The following LSAMP variants were observed in gnomAD, a reference collection of about 807,000 sequenced individuals.
LSAMP encodes limbic system-associated membrane protein.
Under a neutral mutation model 38.6 loss-of-function variants are expected in LSAMP, and 7 were observed. That is an observed-to-expected ratio of 0.18 (90% CI 0.10 to 0.34). The LOEUF (loss-of-function observed/expected upper bound fraction) is 0.34. LSAMP is among the 10% of genes least tolerant of loss of function. The probability of loss-of-function intolerance (pLI) is 1.00; values close to 1 mark genes in which losing one functional copy is unlikely to be tolerated. For synonymous variants in LSAMP, 154 were observed against 166.8 expected, an observed-to-expected ratio of 0.92 and a Z score of 0.59; for missense variants, 313 against 420.0, an observed-to-expected ratio of 0.75 and a Z score of 2.23.
chr3:115,894,025 G>A (rs747350972), intron 3 of LSAMP, among the ~76,000 whole-genome samples: 10 of 152,040 alleles, frequency 6.6e-5, no homozygotes, highest in Admixed American at 1.3e-4. Flanking sequence ...TCCTTTTCAT[G>A]TCTGCTTTCT....
intron 2 of LSAMP, among the ~76,000 whole-genome samples, chr3:116,084,143 A>G (rs527916266): frequency 2.0e-5 from 3 of 152,202 alleles, no homozygotes; most frequent in African/African-American, 7.2e-5. Context: ...CATATATATA[A>G]AATAAAGTGA....
At chr3:115,911,796 A>G (rs532141410) in intron 3 of LSAMP, among the ~76,000 whole-genome samples, 82 of 152,322 alleles carry the variant, frequency 5.4e-4, no homozygotes, top group African/African-American at 1.9e-3. Flanking sequence ...TTACATTCCC[A>G]CCAACAAAGT....
intron 1 of LSAMP, among the ~76,000 whole-genome samples, chr3:116,103,485 A>AAAAG (rs1489198897): frequency 1.0e-4 from 15 of 149,812 alleles, no homozygotes; most frequent in East Asian, 9.9e-4. Flanking sequence ...AAAAAAAAAA[A>AAAAG]AAAGAAAGAC....
At chr3:116,071,174 C>A (rs946841282) in intron 2 of LSAMP, among the ~76,000 whole-genome samples, 4 of 109,962 alleles carry the variant, frequency 3.6e-5, no homozygotes, top group African/African-American at 1.5e-4. Flanking sequence ...TGTGAGTTTG[C>A]ATAAAGAAAA....
intron 1 of LSAMP, among the ~76,000 whole-genome samples, chr3:116,274,454 A>AT (rs113326201): frequency 1.1e-4 from 17 of 152,150 alleles, no homozygotes; most frequent in Admixed American, 5.9e-4. Context: ...TTTTTCATTC[A>AT]TTTTTTTCTT....
At chr3:116,011,361 C>T (rs1940319337) in intron 3 of LSAMP, among the ~76,000 whole-genome samples, 1 of 151,988 alleles carries the variant, frequency 6.6e-6, no homozygotes. Context: ...AATGATGGTA[C>T]GAATGAGATA....
chr3:116,178,549 CAG>C, intron 1 of LSAMP, among the ~76,000 whole-genome samples: 1 of 152,052 alleles, frequency 6.6e-6, no homozygotes. Flanking sequence ...CAGCAACATA[CAG>C]AGAGAGTAGA....
intron 2 of LSAMP, among the ~76,000 whole-genome samples, chr3:116,053,739 G>A (rs935142591): frequency 3.3e-5 from 5 of 152,128 alleles, no homozygotes; most frequent in African/African-American, 1.2e-4. Context: ...GCTGAAGTGT[G>A]GTATTATATT....
At chr3:116,055,208 C>T (rs1941469326) in intron 2 of LSAMP, among the ~76,000 whole-genome samples, 1 of 152,122 alleles carries the variant, frequency 6.6e-6, no homozygotes, top group Non-Finnish European at 1.5e-5. Context: ...TATGTGAAAG[C>T]CCTTTGAATA....
chr3:116,031,511 T>A (rs1245542321), intron 2 of LSAMP, among the ~76,000 whole-genome samples: 1 of 148,948 alleles, frequency 6.7e-6, no homozygotes, highest in African/African-American at 2.5e-5. Flanking sequence ...ATGTAATGAT[T>A]TCATGCCTAC....
At chr3:116,018,994 A>C (rs566579462) in intron 3 of LSAMP, among the ~76,000 whole-genome samples, 1 of 152,330 alleles carries the variant, frequency 6.6e-6, no homozygotes, top group East Asian at 1.9e-4. Context: ...AGGTGCTACA[A>C]GTTAGAAAAC....
intron 2 of LSAMP, among the ~76,000 whole-genome samples, chr3:116,034,414 C>G (rs145877171): frequency 3.3e-5 from 5 of 152,242 alleles, no homozygotes; most frequent in African/African-American, 1.2e-4. Flanking sequence ...CCCATCCTCC[C>G]TCTGCCTTTG....
At chr3:115,869,309 TGA>T (rs372091952) in intron 3 of LSAMP, among the ~76,000 whole-genome samples, 4 of 113,400 alleles carry the variant, frequency 3.5e-5, no homozygotes, top group Admixed American at 1.0e-4. Context: ...AGAGACTGAC[TGA>T]GAGAGAGAGA....
intron 1 of LSAMP, among the ~76,000 whole-genome samples, chr3:116,259,486 ACTT>A (rs1006604366): frequency 1.8e-4 from 28 of 152,264 alleles, no homozygotes; most frequent in African/African-American, 6.7e-4. Flanking sequence ...ACCAAGGCTT[ACTT>A]CTTATGCCCA....
chr3:115,960,804 T>TA (rs1938599531), intron 3 of LSAMP, among the ~76,000 whole-genome samples: 1 of 152,118 alleles, frequency 6.6e-6, no homozygotes, highest in African/African-American at 2.4e-5. Context: ...CAACTGTTAA[T>TA]AAAAGGCAAA....
At chr3:115,893,687 A>C (rs1333977774) in intron 3 of LSAMP, among the ~76,000 whole-genome samples, 2 of 151,936 alleles carry the variant, frequency 1.3e-5, no homozygotes, top group Non-Finnish European at 1.5e-5. Context: ...TCAAACGAAA[A>C]AATCAGGAAT....
At chr3:116,181,138 A>G (rs1710475811) in intron 1 of LSAMP, among the ~76,000 whole-genome samples, 1 of 152,112 alleles carries the variant, frequency 6.6e-6, no homozygotes, top group Non-Finnish European at 1.5e-5. Context: ...TATAACAAAC[A>G]TCTTGGAGTC....
chr3:115,873,977 G>A (rs1936115668), intron 3 of LSAMP, among the ~76,000 whole-genome samples: 1 of 152,084 alleles, frequency 6.6e-6, no homozygotes, highest in Admixed American at 6.6e-5. Flanking sequence ...CCATTTGCAG[G>A]ATGCAGAGCC....
intron 1 of LSAMP, among the ~76,000 whole-genome samples, chr3:116,123,267 G>C (rs1270621559): frequency 6.6e-6 from 1 of 152,200 alleles, no homozygotes; most frequent in African/African-American, 2.4e-5. Context: ...TTTTGGGAAA[G>C]TGGCCAAAGG....
Sources: allele counts gnomAD v4.1 joint callset (sites outside exome capture counted in the v4.1 genomes callset), GRCh38; gene constraint gnomAD v4.1.1; transcripts MANE v1.5; gene names NCBI Gene and HGNC (gene_info 2026-07-23, HGNC 2026-07-21).